Variants in STARD3NL observed in about 807,000 individuals in gnomAD.
STARD3NL encodes the protein STARD3 N-terminal like, also known as STARD3 N-terminal-like protein.
Under a neutral mutation model 30.9 loss-of-function variants are expected in STARD3NL, and 17 were observed. The observed-to-expected ratio is 0.55, with a 90% CI of 0.38 to 0.82. The LOEUF (loss-of-function observed/expected upper bound fraction) is 0.82, where lower values mean the gene tolerates loss of function less well. STARD3NL is among the 40% of genes least tolerant of loss of function. The pLI, the probability that STARD3NL is intolerant of heterozygous loss-of-function variation, is 0.00. For synonymous variants in STARD3NL, 112 were observed against 100.5 expected, an observed-to-expected ratio of 1.11 and a Z score of -0.69; for missense variants, 234 against 277.6, an observed-to-expected ratio of 0.84 and a Z score of 1.12.
intron 7 of STARD3NL, among the ~76,000 whole-genome samples, chr7:38,222,426 CAT>C (rs1333987536): frequency 6.6e-6 from 1 of 152,186 alleles, no homozygotes; most frequent in African/African-American, 2.4e-5. Flanking sequence ...TTTATTACCT[CAT>C]AAGGATTATT....
chr7:38,197,136 TTTTCTTTCTTTCTTTCTTTC>T (rs56319128), intron 1 of STARD3NL, among the ~76,000 whole-genome samples: 55 of 112,380 alleles, frequency 4.9e-4, no homozygotes, highest in Admixed American at 2.2e-3. Flanking sequence ...GCATTACCTT[TTTTCTTTCTTTCTTTCTTTC>T]TTTCTTTCTT....
Position 38,228,873 on chromosome 7 carries a change from T to A in STARD3NL, c.*17+2T>A. ...ACTATGAGTACTACTTTTGTTAAAG[T>A]AAGTGTTTGAAATGAAACCATAACA... On this transcript the variant is annotated splice_donor_variant, in intron 8 of 8. Transcript: ENST00000009041. LOFTEE classifies it low-confidence loss of function (3UTR_SPLICE). 6.2e-7 allele frequency: 1 copy of A among 1,605,658 alleles called. No individual in the cohort carries two copies. Among genetic ancestry groups the A allele is most frequent in the Non-Finnish European group, 8.5e-7 (1 of 1,174,242 alleles).
intron 7 of STARD3NL, 151 bp downstream of exon 7, chr7:38,219,811 C>T: frequency 6.8e-6 from 4 of 589,274 alleles, no homozygotes; most frequent in Admixed American, 2.6e-5. Context: ...GACACGGTCT[C>T]ACATGAAACC....
At chr7:38,202,061 C>G (rs1024761887) in intron 1 of STARD3NL, 5 of 152,220 alleles carry the variant, frequency 3.3e-5, no homozygotes, top group Non-Finnish European at 7.3e-5. Flanking sequence ...TATTTACTTA[C>G]TGTTTCAGAA....
At chr7:38,229,215 G>A (rs1432160281) in intron 8 of STARD3NL, among the ~76,000 whole-genome samples, 1 of 152,218 alleles carries the variant, frequency 6.6e-6, no homozygotes, top group African/African-American at 2.4e-5. Context: ...CCTGTGAGAT[G>A]CAGGTGCTGT....
intron 6 of STARD3NL, among the ~76,000 whole-genome samples, chr7:38,217,945 G>A (rs1459787699): frequency 6.6e-6 from 1 of 152,146 alleles, no homozygotes; most frequent in Non-Finnish European, 1.5e-5. Context: ...TAGCTAACAA[G>A]GTGTACTCAT....
intron 7 of STARD3NL, among the ~76,000 whole-genome samples, chr7:38,222,395 C>T (rs1340812980): frequency 6.6e-6 from 1 of 152,108 alleles, no homozygotes; most frequent in Admixed American, 6.5e-5. Flanking sequence ...ACAGTAAAAA[C>T]TAGAATTTAG....
At position 38,207,560 on chromosome 7, in the gene STARD3NL, A is replaced by G. The variant is rs779108893; in HGVS notation, c.56A>G (p.His19Arg). The G allele has an allele frequency of 4.3e-6, 7 of 1,613,938 alleles. No individual in the cohort carries two copies. The highest frequency in any genetic ancestry group is 1.7e-5 in the Admixed American group (1 of 59,964). Residue 19 changes from histidine (H) to arginine (R), a missense_variant, in exon 2 of 9, where the codon CAT becomes CGT. Coordinates refer to ENST00000009041, the MANE Select transcript of STARD3NL (RefSeq NM_032016.4). ...ENALTGSQSS[H>R]ASLRNIHSIN... is the part of the protein sequence containing the mutation. ...GCTCTCACCGGGAGCCAGAGCTCCC[A>G]TGCTTCTCTGCGCAATATCCATTCC...
At position 38,228,783 on chromosome 7, in the gene STARD3NL, C is replaced by T; in HGVS notation, c.650-16C>T. On this transcript the variant is annotated splice_polypyrimidine_tract_variant and intron_variant, in intron 7 of 8. Transcript: ENST00000009041. ...GAATGAAATACTTTTTCTTTGTCCC[C>T]TTCTCCACCACGTAGGATCTGAAGA... 6.2e-7 allele frequency: 1 copy of T among 1,608,024 alleles called. No homozygotes were observed.
chr7:38,202,745 C>T (rs2116175862), intron 1 of STARD3NL, among the ~76,000 whole-genome samples: 1 of 129,570 alleles, frequency 7.7e-6, no homozygotes, highest in African/African-American at 2.9e-5. Context: ...CACAACAGGC[C>T]CTGGTGTGTG....
intron 2 of STARD3NL, among the ~76,000 whole-genome samples, chr7:38,208,688 A>G (rs954220343): frequency 6.6e-6 from 1 of 152,162 alleles, no homozygotes; most frequent in Non-Finnish European, 1.5e-5. Context: ...CTAGGTAGTA[A>G]TCATTATTCC....
intron 7 of STARD3NL, among the ~76,000 whole-genome samples, chr7:38,224,392 C>T (rs987009802): frequency 2.6e-5 from 4 of 152,158 alleles, no homozygotes; most frequent in Admixed American, 2.6e-4. Context: ...TGTTCTTGAT[C>T]GTGGCTGTTT....
intron 1 of STARD3NL, among the ~76,000 whole-genome samples, chr7:38,195,363 T>C (rs569984511): frequency 5.3e-5 from 8 of 152,324 alleles, no homozygotes; most frequent in South Asian, 2.1e-4. Context: ...GCCACACTTA[T>C]CAGTTTTTAA....
intron 7 of STARD3NL, among the ~76,000 whole-genome samples, 176 bp from the exon 8 acceptor site, chr7:38,228,623 G>T (rs7795457): frequency 1.3e-5 from 2 of 152,080 alleles, no homozygotes; most frequent in South Asian, 4.1e-4. Context: ...AGGTTTTCCT[G>T]TTACAAGAAA....
chr7:38,189,642 A>G (rs905922272), intron 1 of STARD3NL, among the ~76,000 whole-genome samples: 1 of 152,236 alleles, frequency 6.6e-6, no homozygotes, highest in African/African-American at 2.4e-5. Flanking sequence ...AGCAGCAACA[A>G]TAATAAAACA....
intron 7 of STARD3NL, among the ~76,000 whole-genome samples, chr7:38,225,751 A>G (rs1786724402): frequency 6.6e-6 from 1 of 152,126 alleles, no homozygotes; most frequent in Admixed American, 6.6e-5. Flanking sequence ...ATAGCCATTT[A>G]AAGCCATAAA....
intron 6 of STARD3NL, among the ~76,000 whole-genome samples, chr7:38,219,323 A>G (rs1415004668): frequency 6.6e-6 from 1 of 152,226 alleles, no homozygotes; most frequent in Non-Finnish European, 1.5e-5. Context: ...CTATGATGAC[A>G]GGTGTGAGGC....
At chr7:38,194,780 T>C (rs1784833834) in intron 1 of STARD3NL, among the ~76,000 whole-genome samples, 1 of 152,242 alleles carries the variant, frequency 6.6e-6, no homozygotes, top group South Asian at 2.1e-4. Context: ...TGATCAATTT[T>C]ATAAATATGG....
intron 1 of STARD3NL, among the ~76,000 whole-genome samples, chr7:38,189,127 G>T (rs970311792): frequency 8.6e-5 from 13 of 152,006 alleles, no homozygotes; most frequent in African/African-American, 3.1e-4. Flanking sequence ...GGATGTGTGT[G>T]TGTGTGTGTG....
Sources: gnomAD v4.1 joint callset for allele counts (sites outside exome capture counted in the v4.1 genomes callset) on GRCh38, gnomAD v4.1.1 for gene constraint, MANE v1.5 for transcripts, NCBI Gene and HGNC (gene_info 2026-07-23, HGNC 2026-07-21) for gene names.